FIP1L1: variants seen among roughly 807,000 people sequenced by gnomAD.
FIP1L1 encodes the protein factor interacting with PAPOLA and CPSF1.
In FIP1L1, 21 loss-of-function variants were observed where a neutral mutation model predicts 84.6. The observed-to-expected ratio is 0.25, with a 90% CI of 0.18 to 0.36. The LOEUF (loss-of-function observed/expected upper bound fraction) is 0.36. Among genes scored for constraint, FIP1L1 ranks in the 10% least tolerant of loss-of-function variants. The pLI, the probability that FIP1L1 is intolerant of heterozygous loss-of-function variation, is 1.00. For missense variants in FIP1L1, 526 were observed against 751.1 expected (o/e 0.70, Z 3.50); for synonymous variants, 263 against 242.3 (o/e 1.09, Z -0.80).
intron 4 of FIP1L1, 146 bp from the exon 5 acceptor site, chr4:53,383,627 A>G: frequency 1.4e-6 from 1 of 696,708 alleles, no homozygotes; most frequent in Non-Finnish European, 2.3e-6. Context: ...ATGCCACTGC[A>G]CTCAAGCCGG....
chr4:53,388,800 C>A (rs1742564999), intron 5 of FIP1L1, among the ~76,000 whole-genome samples: 1 of 152,088 alleles, frequency 6.6e-6, no homozygotes, highest in Admixed American at 6.6e-5. Context: ...CTGTCTGTAA[C>A]CCCGTATTAC....
At chr4:53,395,807 C>A (rs1279287739) in intron 9 of FIP1L1, among the ~76,000 whole-genome samples, 1 of 152,050 alleles carries the variant, frequency 6.6e-6, no homozygotes, top group Non-Finnish European at 1.5e-5. Context: ...TATATCTCAG[C>A]ATCACAGGGT....
intron 10 of FIP1L1, among the ~76,000 whole-genome samples, chr4:53,411,265 TAAAG>T (rs766702832): frequency 2.0e-5 from 3 of 151,510 alleles, no homozygotes; most frequent in Non-Finnish European, 4.4e-5. Flanking sequence ...TGAAAGGAGG[TAAAG>T]AAAGGATGGA....
Position 53,447,475 on chromosome 4 carries a change from T to C in FIP1L1, c.1285+3372T>C, listed in dbSNP as rs781509648. 9.9e-5 allele frequency among the ~76,000 whole-genome samples: 15 copies of C among 152,262 alleles called. 1 individual carries two copies. The South Asian group carries it at 2.1e-3, about 21-fold the overall frequency. ...CTTTGCTCAACTATACTTCTTACAA[T>C]GTTTACATTTTGTCCTGTAACAAAA... On this transcript the variant is annotated intron_variant, in intron 15 of 17. Coordinates refer to ENST00000337488, the MANE Select transcript of FIP1L1 (RefSeq NM_030917.4).
Position 53,391,089 on chromosome 4 carries a change from C to G in FIP1L1, c.586C>G (p.Arg196Gly), listed in dbSNP as rs1464977287. The G allele has an allele frequency of 6.2e-7, 1 of 1,610,782 alleles. No individual in the cohort carries two copies. The highest frequency in any genetic ancestry group is 1.7e-5 in the Admixed American group (1 of 59,482). ...TTACTGTGAAAAACAAAAGAGGATA[C>G]GAATGGGACTTGAAGTTATACCAGT... is the stretch of plus-strand genomic sequence containing the variant. The part of the protein sequence containing the change: ...KAYCEKQKRI[R>G]MGLEVIPVTS... The change falls in exon 8 of 18, where the codon CGA becomes GGA. Residue 196 changes from arginine to glycine, a missense_variant. Coordinates refer to ENST00000337488, the MANE Select transcript of FIP1L1 (RefSeq NM_030917.4).
chr4:53,403,746 G>A (rs1751514565), intron 10 of FIP1L1, among the ~76,000 whole-genome samples: 1 of 152,192 alleles, frequency 6.6e-6, no homozygotes, highest in Admixed American at 6.6e-5. Flanking sequence ...CATTGTTGTG[G>A]AGGAGTATTG....
At chr4:53,446,886 G>A (rs560635327) in intron 15 of FIP1L1, among the ~76,000 whole-genome samples, 32 of 152,024 alleles carry the variant, frequency 2.1e-4, no homozygotes, top group African/African-American at 7.5e-4. Context: ...ATAAAAAAGT[G>A]AGAGTCTCTT....
rs1553927746 is a variant in FIP1L1 at position 53,460,424 on chromosome 4, CTTAA to C, written c.*979_*982del. The C allele has an allele frequency of 3.2e-5, 6 of 189,374 alleles. No individual in the cohort carries two copies. Among genetic ancestry groups the C allele is most frequent in the African/African-American group, 1.4e-4 (6 of 42,948 alleles). The allele number at this position is 189,374 out of a possible 1,614,324, so 11.7% of individuals were successfully genotyped here. ...TAAATAGTGATAATACAAAAGTAAT[CTTAA>C]TTAGTATCACATACTAAAAGACAAC... is the stretch of plus-strand genomic sequence containing the variant. On this transcript the variant is annotated 3_prime_UTR_variant, in exon 18 of 18. Transcript: ENST00000337488.
intron 4 of FIP1L1, among the ~76,000 whole-genome samples, chr4:53,383,111 A>G (rs1052182466): frequency 6.6e-5 from 10 of 151,470 alleles, no homozygotes; most frequent in African/African-American, 2.4e-4. Flanking sequence ...TTTTTTGCCA[A>G]GACTTCTCAA....
At chr4:53,420,197 CAAAAAAAA>C (rs1166566869) in intron 11 of FIP1L1, among the ~76,000 whole-genome samples, 9 of 17,546 alleles carry the variant, frequency 5.1e-4, no homozygotes, top group Non-Finnish European at 6.9e-4. Flanking sequence ...GACTCCGTCT[CAAAAAAAA>C]AAAAAAAAAA....
chr4:53,412,429 C>T (rs944517206), intron 10 of FIP1L1, among the ~76,000 whole-genome samples: 8 of 152,152 alleles, frequency 5.3e-5, no homozygotes, highest in South Asian at 4.1e-4. Context: ...CAGTGTCACG[C>T]GTTAAATTTA....
At chr4:53,405,270 T>A (rs1478055363) in intron 10 of FIP1L1, among the ~76,000 whole-genome samples, 1 of 152,016 alleles carries the variant, frequency 6.6e-6, no homozygotes, top group Non-Finnish European at 1.5e-5. Flanking sequence ...TAGGGAATCC[T>A]TTCCCCATTG....
intron 7 of FIP1L1, 25 bp from the exon 8 acceptor site, chr4:53,390,984 C>T (rs1743965702): frequency 6.5e-7 from 1 of 1,549,770 alleles, no homozygotes; most frequent in East Asian, 2.3e-5. Context: ...AATATTTGTA[C>T]ACTAAAGTTG....
chr4:53,398,395 C>G (rs1748526255), intron 9 of FIP1L1, among the ~76,000 whole-genome samples: 1 of 152,140 alleles, frequency 6.6e-6, no homozygotes. Context: ...GGGTTGGACA[C>G]TATTAATAAG....
chr4:53,427,047 AT>A (rs1186473896), intron 12 of FIP1L1, among the ~76,000 whole-genome samples: 2 of 152,190 alleles, frequency 1.3e-5, no homozygotes, highest in Non-Finnish European at 2.9e-5. Context: ...TTAAAGGCAA[AT>A]CATTTCTATA....
At chr4:53,395,674 G>A (rs927819409) in intron 9 of FIP1L1, among the ~76,000 whole-genome samples, 2 of 152,128 alleles carry the variant, frequency 1.3e-5, no homozygotes, top group Admixed American at 6.6e-5. Flanking sequence ...TACTTATTGA[G>A]TACTTATTGC....
chr4:53,419,177 A>G (rs1169926682), intron 11 of FIP1L1, among the ~76,000 whole-genome samples: 3 of 152,182 alleles, frequency 2.0e-5, no homozygotes, highest in Non-Finnish European at 2.9e-5. Context: ...TGCACTTTTG[A>G]ACACACTTAT....
chr4:53,458,853 C>T (rs1720894568), intron 17 of FIP1L1, 63 bp downstream of exon 17: 9 of 1,544,432 alleles, frequency 5.8e-6, no homozygotes, highest in African/African-American at 5.5e-5. Context: ...ACTACATTGT[C>T]GCATTGGAAG....
At chr4:53,423,195 G>A (rs11947256) in intron 11 of FIP1L1, among the ~76,000 whole-genome samples, 85,869 of 151,942 alleles carry the variant, frequency 0.57, 25,815 homozygotes, top group Non-Finnish European at 0.67. Flanking sequence ...TGCCAGGAGG[G>A]GAGGTAGAGG....
Sources: allele counts gnomAD v4.1 joint callset (sites outside exome capture counted in the v4.1 genomes callset), GRCh38; gene constraint gnomAD v4.1.1; transcripts MANE v1.5; gene names NCBI Gene and HGNC (gene_info 2026-07-23, HGNC 2026-07-21).